The following TNIK variants were observed in gnomAD, a reference collection of about 807,000 sequenced individuals.
The protein encoded by TNIK is TRAF2 and NCK-interacting protein kinase.
TNIK carries 49 observed loss-of-function variants against 191.3 expected under a neutral mutation model. The observed-to-expected ratio is 0.26, with a 90% CI of 0.20 to 0.32. The LOEUF is 0.32. Among genes scored for constraint, TNIK ranks in the 10% least tolerant of loss-of-function variants. The pLI is 1.00. For synonymous variants in TNIK, 594 were observed against 600.9 expected (o/e 0.99, Z 0.17); for missense variants, 1,155 against 1,702.3 (o/e 0.68, Z 5.66).
chr3:171,068,917 A>G lies in TNIK; in HGVS notation c.3630T>C (p.Gly1210=), dbSNP rs370358939. 4 of 1,613,852 alleles carry G rather than the reference A, an allele frequency of 2.5e-6. No homozygotes were observed. The highest frequency in any genetic ancestry group is 2.7e-5 in the African/African-American group (2 of 75,066). Residue 1210 remains glycine (G), a synonymous_variant, in exon 30 of 33, where the codon GGT becomes GGC. Coordinates refer to ENST00000436636, the MANE Select transcript of TNIK (RefSeq NM_015028.4). ...CAATTACATGGAAACCAGTGTGTGA[A>G]CCAAAAATAACCTTTAATCTTTGAC... is the stretch of plus-strand genomic sequence containing the variant. ...EEGQRLKVIF[G]SHTGFHVIDV...
chr3:171,191,095 T>C (rs939880503), intron 5 of TNIK, among the ~76,000 whole-genome samples: 3 of 152,232 alleles, frequency 2.0e-5, no homozygotes, highest in African/African-American at 7.2e-5. Context: ...GAACATGAGT[T>C]TCAGTTAATA....
chr3:171,217,551 C>A (rs1464739047), intron 3 of TNIK, among the ~76,000 whole-genome samples: 8 of 148,828 alleles, frequency 5.4e-5, no homozygotes, highest in Admixed American at 4.7e-4. Flanking sequence ...ATAACAGTTG[C>A]AAAAAAAAAG....
At chr3:171,119,377 G>A (rs1357704844) in intron 18 of TNIK, among the ~76,000 whole-genome samples, 1 of 152,216 alleles carries the variant, frequency 6.6e-6, no homozygotes, top group Non-Finnish European at 1.5e-5. Context: ...GTGGAAGACA[G>A]TGTGGCGATT....
chr3:171,333,414 G>A (rs181325628), intron 2 of TNIK, among the ~76,000 whole-genome samples: 59 of 151,666 alleles, frequency 3.9e-4, no homozygotes, highest in African/African-American at 1.1e-3. Context: ...AAAATTAGCC[G>A]GACGTGGTGG....
Position 171,060,012 on chromosome 3 carries a change from A to T in TNIK, c.*3869T>A, listed in dbSNP as rs1274500652. Among the ~76,000 whole-genome samples, 1 of 152,184 alleles carries T rather than the reference A, an allele frequency of 6.6e-6. No individual in the cohort carries two copies. Among genetic ancestry groups the T allele is most frequent in the Non-Finnish European group, 1.5e-5 (1 of 68,038 alleles). On this transcript the variant is annotated 3_prime_UTR_variant, in exon 33 of 33. Coordinates refer to ENST00000436636, the MANE Select transcript of TNIK (RefSeq NM_015028.4). ...GTAGGTTAAAATTAAAAGTTTTATC[A>T]ATAACTATTTTTTTTCTTAAAAATA...
chr3:171,328,876 A>C (rs1181930123), intron 2 of TNIK, among the ~76,000 whole-genome samples: 3 of 152,150 alleles, frequency 2.0e-5, no homozygotes, highest in African/African-American at 7.2e-5. Flanking sequence ...GCAGGAAGTC[A>C]CTAAGGAAAC....
chr3:171,238,306 C>A (rs1344330144), intron 2 of TNIK, among the ~76,000 whole-genome samples: 1 of 150,442 alleles, frequency 6.6e-6, no homozygotes, highest in Non-Finnish European at 1.5e-5. Context: ...AGAGTGAGAT[C>A]CTATCTCTAA....
chr3:171,443,820 C>A (rs1444726265), intron 1 of TNIK, among the ~76,000 whole-genome samples: 2 of 151,974 alleles, frequency 1.3e-5, no homozygotes, highest in Non-Finnish European at 2.9e-5. Flanking sequence ...CAAGACCCTG[C>A]CTCAAAAAAT....
intron 2 of TNIK, among the ~76,000 whole-genome samples, chr3:171,354,971 T>A (rs1713810046): frequency 1.3e-5 from 2 of 152,076 alleles, no homozygotes; most frequent in South Asian, 4.1e-4. Flanking sequence ...GTTAGCAGAC[T>A]TTTTTTTGTT....
At chr3:171,428,122 A>G (rs1274238169) in intron 1 of TNIK, among the ~76,000 whole-genome samples, 2 of 152,164 alleles carry the variant, frequency 1.3e-5, no homozygotes. Flanking sequence ...GGCATTATCC[A>G]ACTTAAGCTT....
Position 171,391,750 on chromosome 3 carries a change from ATCTG to A in TNIK, c.58-22069_58-22066del, listed in dbSNP as rs368176813. Among the ~76,000 whole-genome samples the A allele has an allele frequency of 3.7e-4, 56 of 152,246 alleles. No individual in the cohort carries two copies. The East Asian group carries it at 0.01, about 28-fold the overall frequency. On this transcript the variant is annotated intron_variant, in intron 1 of 32. Coordinates refer to ENST00000436636, the MANE Select transcript of TNIK (RefSeq NM_015028.4). ...TTAAATCTGTTCTTTTCTCTTGTTAATCTGTCTTTTTTCAGTTAACTTGTAGGCC... is the reference window on the plus strand; with the variant it reads ...TTAAATCTGTTCTTTTCTCTTGTTAATCTTTTTTCAGTTAACTTGTAGGCC...
chr3:171,134,454 T>A (rs188141160), intron 15 of TNIK, among the ~76,000 whole-genome samples: 63 of 152,220 alleles, frequency 4.1e-4, no homozygotes, highest in Admixed American at 6.5e-4. Context: ...CTAATTTTTA[T>A]TATTATCTGT....
intron 3 of TNIK, among the ~76,000 whole-genome samples, chr3:171,222,784 G>C (rs981287679): frequency 7.2e-5 from 11 of 152,278 alleles, no homozygotes; most frequent in African/African-American, 2.6e-4. Flanking sequence ...TAGGAATTCA[G>C]TGAAGCAGAG....
chr3:171,238,049 T>G (rs994743916), intron 2 of TNIK, among the ~76,000 whole-genome samples: 1 of 152,154 alleles, frequency 6.6e-6, no homozygotes, highest in Non-Finnish European at 1.5e-5. Flanking sequence ...GCTGAAAATA[T>G]CTCTCCCCCT....
intron 24 of TNIK, among the ~76,000 whole-genome samples, chr3:171,085,702 A>G (rs1576765898): frequency 6.6e-6 from 1 of 152,138 alleles, no homozygotes; most frequent in South Asian, 2.1e-4. Context: ...GAGCCCTTCT[A>G]CTCTGGCCTG....
chr3:171,384,074 C>T (rs901972266), intron 1 of TNIK, among the ~76,000 whole-genome samples: 35 of 152,294 alleles, frequency 2.3e-4, no homozygotes, highest in African/African-American at 8.4e-4. Context: ...TTTGTTCTTG[C>T]TATCCAAAAA....
intron 7 of TNIK, among the ~76,000 whole-genome samples, chr3:171,178,019 T>G (rs1003988048): frequency 2.0e-5 from 3 of 152,266 alleles, no homozygotes; most frequent in Non-Finnish European, 4.4e-5. Context: ...TCCACCCATG[T>G]TGTAGTACAT....
intron 1 of TNIK, among the ~76,000 whole-genome samples, chr3:171,425,119 T>A (rs1219678948): frequency 2.0e-5 from 3 of 152,212 alleles, no homozygotes; most frequent in Middle Eastern, 3.2e-3. Context: ...GCACTCCCAT[T>A]CAATTTATGC....
rs556155892 is a variant in TNIK at position 171,159,999 on chromosome 3, G to T, written c.1016+1271C>A. On this transcript the variant is annotated intron_variant, in intron 11 of 32. Coordinates refer to ENST00000436636, the MANE Select transcript of TNIK (RefSeq NM_015028.4). The surrounding 1 kb of genome is among the most constrained non-coding windows in gnomAD (Gnocchi z 4.1). Reference sequence around the variant, plus strand: ...AGGGTTTCTCAGTTCTACAGAAAGTGGTCAGAAGGCTGACACAGTAACCTT... The same window carrying T: ...AGGGTTTCTCAGTTCTACAGAAAGTTGTCAGAAGGCTGACACAGTAACCTT... Among the ~76,000 whole-genome samples, 2 of 152,306 alleles carry T rather than the reference G, an allele frequency of 1.3e-5. No homozygotes were observed. The highest frequency in any genetic ancestry group is 4.8e-5 in the African/African-American group (2 of 41,560).
Sources: gnomAD v4.1 joint callset for allele counts (sites outside exome capture counted in the v4.1 genomes callset) on GRCh38, gnomAD v4.1.1 for gene constraint, Gnocchi (gnomAD v3.1) non-coding constraint, MANE v1.5 for transcripts, NCBI Gene and HGNC (gene_info 2026-07-23, HGNC 2026-07-21) for gene names.